PRPF19: variants seen among roughly 807,000 people sequenced by gnomAD.
PRPF19 encodes pre-mRNA-processing factor 19.
A neutral mutation model predicts 64.2 loss-of-function variants in PRPF19; 2 were observed. The observed-to-expected ratio is 0.03, with a 90% CI of 0.01 to 0.10. The LOEUF (loss-of-function observed/expected upper bound fraction) is 0.10, where lower values mean the gene tolerates loss of function less well. Among genes scored for constraint, PRPF19 ranks in the 10% least tolerant of loss-of-function variants. The probability of loss-of-function intolerance (pLI) is 1.00; values close to 1 mark genes in which losing one functional copy is unlikely to be tolerated. For missense variants in PRPF19, 314 were observed against 650.0 expected (o/e 0.48, Z 5.62); for synonymous variants, 226 against 251.6 (o/e 0.90, Z 0.96).
intron 3 of PRPF19, among the ~76,000 whole-genome samples, chr11:60,903,124 C>T (rs1328536644): frequency 6.6e-6 from 1 of 152,182 alleles, no homozygotes; most frequent in African/African-American, 2.4e-5. Flanking sequence ...CCTTCCCTAA[C>T]TTACTGGCAA....
intron 10 of PRPF19, among the ~76,000 whole-genome samples, chr11:60,899,582 C>G (rs1855959534): frequency 6.6e-6 from 1 of 152,178 alleles, no homozygotes; most frequent in South Asian, 2.1e-4. Context: ...TTCCCATTTC[C>G]AGGACCAAAG....
At chr11:60,903,392 C>A in intron 3 of PRPF19, 67 bp downstream of exon 3, 1 of 1,479,864 alleles carries the variant, frequency 6.8e-7, no homozygotes, top group Non-Finnish European at 9.3e-7. Context: ...TTCCTACCCC[C>A]AAGTCCTAAC....
chr11:60,894,480 T>C (rs1008715753), intron 15 of PRPF19, among the ~76,000 whole-genome samples: 2 of 152,226 alleles, frequency 1.3e-5, no homozygotes, highest in African/African-American at 4.8e-5. Context: ...TTCAGTCCCA[T>C]CTTTAGACTC....
chr11:60,901,650 G>A, intron 6 of PRPF19, 110 bp from the exon 7 acceptor site: 1 of 1,261,994 alleles, frequency 7.9e-7, no homozygotes. Context: ...CTTGCTATCT[G>A]CCAACTTCTA....
In PRPF19 at chr11:60,890,616, A is replaced by T. The variant is rs1268269792; in HGVS notation, c.*550T>A. 2.9e-6 allele frequency: 1 copy of T among 349,602 alleles called. No individual in the cohort carries two copies. Among genetic ancestry groups the T allele is most frequent in the Admixed American group, 3.7e-5 (1 of 27,090 alleles). The allele number at this position is 349,602 out of a possible 1,614,324, so 21.7% of individuals were successfully genotyped here. A position where few individuals can be genotyped will look rare whatever the true frequency, so the allele number is the denominator to read the frequency against. ...AAAAAAAAAAGGGTAAGAGCTGTGA[A>T]AGGAAAGGAAGATGGGCTTCCCGGA... On this transcript the variant is annotated 3_prime_UTR_variant, in exon 16 of 16. Coordinates refer to ENST00000227524, the MANE Select transcript of PRPF19 (RefSeq NM_014502.5).
At chr11:60,892,550 G>A (rs1184215988) in intron 15 of PRPF19, among the ~76,000 whole-genome samples, 1 of 152,192 alleles carries the variant, frequency 6.6e-6, no homozygotes, top group African/African-American at 2.4e-5. Flanking sequence ...GCACCTGTAT[G>A]TATTTTCATC....
In PRPF19 at chr11:60,898,659, A is replaced by G. The variant is rs564738044; in HGVS notation, c.1055-33T>C. 11 of 1,613,796 alleles carry G rather than the reference A, an allele frequency of 6.8e-6. No individual in the cohort carries two copies. In the Middle Eastern group the frequency reaches 5.0e-4, roughly 73 times the overall value. On this transcript the variant is annotated intron_variant, in intron 12 of 15. Transcript: ENST00000227524. The surrounding 1 kb of genome is among the most constrained non-coding windows in gnomAD (Gnocchi z 4.6). ...GGAGGGAAGAGAGACCTGTGGTCAG[A>G]GCCCACCAGGGAGAGAGACTAAGAG...
Position 60,906,430 on chromosome 11 carries a change from A to AGCTTCTGAGCCTCCGCGAGCC in PRPF19, c.-69_-49dup. 1 of 1,520,276 alleles carries AGCTTCTGAGCCTCCGCGAGCC rather than the reference A, an allele frequency of 6.6e-7. No individual in the cohort carries two copies. Among genetic ancestry groups the AGCTTCTGAGCCTCCGCGAGCC allele is most frequent in the East Asian group, 2.4e-5 (1 of 40,862 alleles). 94.2% of individuals were successfully genotyped at this position (1,520,276 alleles called of 1,614,324 possible). A position where few individuals can be genotyped will look rare whatever the true frequency, so the allele number is the denominator to read the frequency against. ...GCGCCACACGCCGGGCTCCGGGACT[A>AGCTTCTGAGCCTCCGCGAGCC]GCTTCTGAGCCTCCGCGAGCCACTT... On this transcript the variant is annotated 5_prime_UTR_variant, in exon 1 of 16. Coordinates refer to ENST00000227524, the MANE Select transcript of PRPF19 (RefSeq NM_014502.5).
intron 15 of PRPF19, among the ~76,000 whole-genome samples, chr11:60,895,942 G>C (rs768653196): frequency 6.6e-6 from 1 of 152,064 alleles, no homozygotes; most frequent in East Asian, 1.9e-4. Context: ...GTGCCCCCCC[G>C]CCCAACAATT....
At position 60,903,008 on chromosome 11, in the gene PRPF19, A is replaced by G. The variant is rs143897626; in HGVS notation, c.247-127T>C. The G allele has an allele frequency of 1.7e-4, 239 of 1,425,862 alleles. 1 individual carries two copies. In the East Asian group the frequency reaches 5.2e-3, roughly 31 times the overall value. The allele number at this position is 1,425,862 out of a possible 1,614,324, so 88.3% of individuals were successfully genotyped here. On this transcript the variant is annotated intron_variant, in intron 3 of 15. Transcript: ENST00000227524. ...TAGACCAGTATCAGTGACCCAAACA[A>G]TATCCGAGCAAACACGAATGTGCCG... is the stretch of plus-strand genomic sequence containing the variant.
intron 8 of PRPF19, 128 bp downstream of exon 8, chr11:60,901,167 A>G: frequency 8.9e-7 from 1 of 1,129,392 alleles, no homozygotes; most frequent in Non-Finnish European, 1.3e-6. Flanking sequence ...CCCAGGCGAG[A>G]AACAGCACCA....
chr11:60,898,646 G>C lies in PRPF19; in HGVS notation c.1055-20C>G. The C allele has an allele frequency of 6.2e-7, 1 of 1,613,978 alleles. No homozygotes were observed. Among genetic ancestry groups the C allele is most frequent in the Non-Finnish European group, 8.5e-7 (1 of 1,179,980 alleles). The stretch of plus-strand genomic sequence containing the variant: ...TGAGAGCTGTGGAGGAGGGAAGAGA[G>C]ACCTGTGGTCAGAGCCCACCAGGGA... On this transcript the variant is annotated intron_variant, in intron 12 of 15. Transcript: ENST00000227524. This position sits in a 1 kb window ranked among gnomAD's most constrained non-coding sequence, Gnocchi z 4.6.
intron 15 of PRPF19, 87 bp from the exon 16 acceptor site, chr11:60,891,350 C>G (rs557102498): frequency 2.0e-6 from 2 of 1,008,774 alleles, no homozygotes; most frequent in South Asian, 1.4e-5. Flanking sequence ...TCCCAAACAA[C>G]CAGGCCTTCT....
rs150922647 is a variant in PRPF19 at position 60,901,594 on chromosome 11, C to T, written c.526-54G>A. ...AAATCATCTTGCAAGGAGAAAAGTA[C>T]ATTAGATGCTGGTCACACCTGTGCT... On this transcript the variant is annotated intron_variant, in intron 6 of 15. Transcript: ENST00000227524. 6.7e-5 allele frequency: 108 copies of T among 1,601,240 alleles called. No homozygotes were observed. In the East Asian group the frequency reaches 2.3e-3, roughly 35 times the overall value.
In PRPF19 at chr11:60,902,858, G is replaced by A. The variant is rs774756488; in HGVS notation, c.270C>T (p.Phe90=). The A allele has an allele frequency of 8.1e-6, 13 of 1,613,878 alleles. No individual in the cohort carries two copies. Among genetic ancestry groups the A allele is most frequent in the Non-Finnish European group, 1.1e-5 (13 of 1,179,988 alleles). The change falls in exon 4 of 16, where the codon TTC becomes TTT. Residue 90 remains phenylalanine (F), a synonymous_variant. Coordinates refer to ENST00000227524, the MANE Select transcript of PRPF19 (RefSeq NM_014502.5). This position sits in a 1 kb window ranked among gnomAD's most constrained non-coding sequence, Gnocchi z 5.0. ...DEWDAVMLHS[F]TLRQQLQTTR... ...TTGTCTGCAGCTGCTGGCGCAGAGT[G>A]AAGCTGTGCAGCATGACTGCATCCT...
chr11:60,890,585 TAAAAA>T lies in PRPF19; in HGVS notation c.*576_*580del. ...TTTGTTTTTATTTCTGCTGTGCAAT[TAAAAA>T]AAAAAAAAAAGGGTAAGAGCTGTGA... On this transcript the variant is annotated 3_prime_UTR_variant, in exon 16 of 16. Transcript: ENST00000227524. 7.7e-6 allele frequency: 2 copies of T among 258,900 alleles called. No homozygotes were observed. The highest frequency in any genetic ancestry group is 4.6e-5 in the Admixed American group (1 of 21,584). 16.0% of individuals were successfully genotyped at this position (258,900 alleles called of 1,614,324 possible).
rs1417739020 is a variant in PRPF19, at chr11:60,900,574, C to T, written c.828+8G>A. On this transcript the variant is annotated splice_region_variant and intron_variant, in intron 10 of 15. Coordinates refer to ENST00000227524, the MANE Select transcript of PRPF19 (RefSeq NM_014502.5). ...GAAGAACCAAGGGTGGCGAGGAGAACCCCTTACCTGGGAAGGGTGAAACAC... is the reference window on the plus strand; with the variant it reads ...GAAGAACCAAGGGTGGCGAGGAGAATCCCTTACCTGGGAAGGGTGAAACAC... 14 of 1,540,200 alleles carry T rather than the reference C, an allele frequency of 9.1e-6. No homozygotes were observed. The highest frequency in any genetic ancestry group is 2.0e-5 in the Admixed American group (1 of 50,920).
At chr11:60,899,619 G>A (rs1045854510) in intron 10 of PRPF19, among the ~76,000 whole-genome samples, 1 of 152,186 alleles carries the variant, frequency 6.6e-6, no homozygotes, top group Admixed American at 6.5e-5. Flanking sequence ...ACAATTGAGG[G>A]ACTGAATTTT....
Position 60,898,077 on chromosome 11 carries a change from C to G in PRPF19, c.1311+24G>C, listed in dbSNP as rs1259747553. 6.2e-7 allele frequency: 1 copy of G among 1,610,400 alleles called. No individual in the cohort carries two copies. Among genetic ancestry groups the G allele is most frequent in the South Asian group, 1.1e-5 (1 of 90,788 alleles). On this transcript the variant is annotated intron_variant, in intron 14 of 15. Transcript: ENST00000227524. This position sits in a 1 kb window ranked among gnomAD's most constrained non-coding sequence, Gnocchi z 4.6. ...ACAAACAAGGAGACACAATGGAAAGCTGGGCGGAGGGGGAAGGGCACACCT... is the reference window on the plus strand; with the variant it reads ...ACAAACAAGGAGACACAATGGAAAGGTGGGCGGAGGGGGAAGGGCACACCT...
Sources: gnomAD v4.1 joint callset for allele counts (sites outside exome capture counted in the v4.1 genomes callset) on GRCh38, gnomAD v4.1.1 for gene constraint, Gnocchi (gnomAD v3.1) non-coding constraint, MANE v1.5 for transcripts, NCBI Gene and HGNC (gene_info 2026-07-23, HGNC 2026-07-21) for gene names.